The following TPST1 variants were observed in gnomAD, a reference collection of about 807,000 sequenced individuals.
The protein encoded by TPST1 is tyrosylprotein sulfotransferase 1.
In TPST1, 20 loss-of-function variants were observed where a neutral mutation model predicts 34.8. The observed-to-expected ratio is 0.57, with a 90% CI of 0.40 to 0.84. The LOEUF is 0.84. TPST1 is among the 40% of genes least tolerant of loss of function. TPST1 has a pLI of 0.00. For missense variants in TPST1, 353 were observed against 455.5 expected (o/e 0.78, Z 2.05); for synonymous variants, 152 against 159.4 (o/e 0.95, Z 0.35).
At chr7:66,242,292 A>C (rs912320990) in intron 2 of TPST1, among the ~76,000 whole-genome samples, 44 of 152,230 alleles carry the variant, frequency 2.9e-4, no homozygotes, top group Admixed American at 2.6e-4. Flanking sequence ...ACATATATAA[A>C]AAGAAATATA....
chr7:66,312,126 G>A (rs1209302761), intron 3 of TPST1, among the ~76,000 whole-genome samples: 4 of 152,166 alleles, frequency 2.6e-5, no homozygotes, highest in African/African-American at 7.2e-5. Flanking sequence ...TCAGAATTTC[G>A]TACATTTTAG....
intron 3 of TPST1, among the ~76,000 whole-genome samples, chr7:66,338,786 A>G (rs752654604): frequency 6.6e-6 from 1 of 152,060 alleles, no homozygotes; most frequent in Non-Finnish European, 1.5e-5. Context: ...ACCAAAACCT[A>G]TGGGATACAG....
chr7:66,305,136 T>C (rs960951624), intron 3 of TPST1, among the ~76,000 whole-genome samples: 2 of 152,132 alleles, frequency 1.3e-5, no homozygotes, highest in Non-Finnish European at 1.5e-5. Flanking sequence ...ATACACCTTA[T>C]ATTAGAGAGT....
At chr7:66,199,368 C>T in the TPST1 span, among the ~76,000 whole-genome samples, 1 of 145,258 alleles carries the variant, frequency 6.9e-6, no homozygotes, top group African/African-American at 2.6e-5. Context: ...AATCTCAGCT[C>T]ACTGCAACCG....
chr7:66,227,008 G>T (rs1467645599), intron 1 of TPST1, among the ~76,000 whole-genome samples: 3 of 129,406 alleles, frequency 2.3e-5, no homozygotes, highest in African/African-American at 9.3e-5. Flanking sequence ...ACAGTTTGGT[G>T]TTGGATGCCT....
chr7:66,352,467 C>T (rs1297984449), intron 3 of TPST1, 38 bp from the exon 4 acceptor site: 8 of 1,606,130 alleles, frequency 5.0e-6, no homozygotes, highest in Non-Finnish European at 6.8e-6. Flanking sequence ...GGGGACTGGA[C>T]CTGTTGCCTT....
intron 4 of TPST1, among the ~76,000 whole-genome samples, chr7:66,353,331 A>C (rs1792518519): frequency 6.6e-6 from 1 of 151,916 alleles, no homozygotes; most frequent in Non-Finnish European, 1.5e-5. Flanking sequence ...TTAGCTAGGC[A>C]TGGTGGCGAG....
intron 2 of TPST1, among the ~76,000 whole-genome samples, chr7:66,272,989 A>G (rs1006015674): frequency 6.6e-6 from 1 of 152,156 alleles, no homozygotes; most frequent in African/African-American, 2.4e-5. Context: ...GAAGAAACTA[A>G]ATTGTCTCTG....
chr7:66,260,139 T>C (rs1031173960), intron 2 of TPST1, among the ~76,000 whole-genome samples: 1 of 152,232 alleles, frequency 6.6e-6, no homozygotes, highest in African/African-American at 2.4e-5. Context: ...TTATCCGAAA[T>C]GCTTGGACTA....
At chr7:66,286,403 T>G in intron 2 of TPST1, 108 bp from the exon 3 acceptor site, 2 of 861,346 alleles carry the variant, frequency 2.3e-6, no homozygotes, top group Non-Finnish European at 3.1e-6. Context: ...TCAATTGTTT[T>G]GTAATCCAGA....
intron 3 of TPST1, among the ~76,000 whole-genome samples, chr7:66,316,656 A>G (rs1239015967): frequency 6.6e-6 from 1 of 152,234 alleles, no homozygotes; most frequent in Non-Finnish European, 1.5e-5. Flanking sequence ...TGAACATTTT[A>G]TTGTAACATA....
chr7:66,246,758 G>C (rs1016607289), intron 2 of TPST1, among the ~76,000 whole-genome samples: 1 of 152,218 alleles, frequency 6.6e-6, no homozygotes, highest in Non-Finnish European at 1.5e-5. Context: ...TCATCCCCAG[G>C]ATCCAAGTTG....
intron 5 of TPST1, among the ~76,000 whole-genome samples, chr7:66,358,616 G>A (rs1035711494): frequency 2.0e-5 from 3 of 152,170 alleles, no homozygotes; most frequent in Non-Finnish European, 2.9e-5. Flanking sequence ...ACGCTGGTCC[G>A]TCATGTCAAA....
chr7:66,223,632 G>A (rs1789590899), intron 1 of TPST1, among the ~76,000 whole-genome samples: 8 of 152,196 alleles, frequency 5.3e-5, no homozygotes, highest in Admixed American at 5.2e-4. Context: ...AAATAGTTTA[G>A]CCAACAATGA....
chr7:66,245,386 C>T (rs1790125790), intron 2 of TPST1, among the ~76,000 whole-genome samples: 1 of 152,130 alleles, frequency 6.6e-6, no homozygotes, highest in African/African-American at 2.4e-5. Context: ...GGGTCAGGGG[C>T]ATTCTGGCTA....
chr7:66,353,443 T>C (rs1434100375), intron 4 of TPST1, among the ~76,000 whole-genome samples: 1 of 152,206 alleles, frequency 6.6e-6, no homozygotes, highest in Non-Finnish European at 1.5e-5. Context: ...CACTCCAGCC[T>C]GGGTGACAGA....
intron 2 of TPST1, among the ~76,000 whole-genome samples, chr7:66,253,636 G>A (rs1790317712): frequency 6.6e-6 from 1 of 151,634 alleles, no homozygotes; most frequent in African/African-American, 2.4e-5. Context: ...CTCCCAAAGT[G>A]CTGGGATTAC....
rs117274082 is a variant in TPST1 at position 66,224,561 on chromosome 7, G to A, written c.-101-15764G>A. ...CCATGTTCCTGATTATAACAGCAGG[G>A]TGTGGTGAATGTGCTCTTGAGTGTG... On this transcript the variant is annotated intron_variant, in intron 1 of 5. Coordinates refer to ENST00000304842, the MANE Select transcript of TPST1 (RefSeq NM_003596.4). 1.2e-3 allele frequency among the ~76,000 whole-genome samples: 183 copies of A among 152,314 alleles called. 1 individual carries two copies. In the East Asian group the frequency reaches 0.03, roughly 25 times the overall value.
intron 3 of TPST1, among the ~76,000 whole-genome samples, chr7:66,325,658 T>C (rs1212194804): frequency 6.6e-6 from 1 of 151,976 alleles, no homozygotes; most frequent in Non-Finnish European, 1.5e-5. Context: ...TTTTTTAAGA[T>C]GGAGTCTTGC....
Sources: allele counts gnomAD v4.1 joint callset (sites outside exome capture counted in the v4.1 genomes callset), GRCh38; gene constraint gnomAD v4.1.1; transcripts MANE v1.5; gene names NCBI Gene and HGNC (gene_info 2026-07-23, HGNC 2026-07-21).